The following VRTN variants were observed in gnomAD, a reference collection of about 807,000 sequenced individuals.
VRTN encodes the protein vertnin.
Under a neutral mutation model 18.2 loss-of-function variants are expected in VRTN, and 5 were observed. That is an observed-to-expected ratio of 0.27 (90% CI 0.14 to 0.58). The LOEUF (loss-of-function observed/expected upper bound fraction) is 0.58, where lower values mean the gene tolerates loss of function less well. VRTN is among the 20% of genes least tolerant of loss of function. The pLI is 0.91. For synonymous variants in VRTN, 381 were observed against 393.7 expected (o/e 0.97, Z 0.38); for missense variants, 741 against 939.4 (o/e 0.79, Z 2.76).
At chr14:74,350,113 C>A (rs1316583590) in intron 1 of VRTN, among the ~76,000 whole-genome samples, 2 of 152,112 alleles carry the variant, frequency 1.3e-5, no homozygotes, top group African/African-American at 2.4e-5. Context: ...AGAGCCATTG[C>A]CAAAAAGACT....
intron 1 of VRTN, among the ~76,000 whole-genome samples, chr14:74,333,299 C>A (rs1220657096): frequency 6.6e-6 from 1 of 152,074 alleles, no homozygotes; most frequent in Non-Finnish European, 1.5e-5. Context: ...AGGAGAACTG[C>A]TTGAACCCAG....
chr14:74,358,515 A>G lies in VRTN; in HGVS notation c.1732A>G (p.Lys578Glu), dbSNP rs535280501. The G allele has an allele frequency of 1.2e-6, 2 of 1,613,950 alleles. No individual in the cohort carries two copies. The highest frequency in any genetic ancestry group is 1.1e-5 in the South Asian group (1 of 91,076). ...GCAGGAGGCTGAGGAGAAGCAGGAG[A>G]AGGAGGCTGGCAGGGATGTGACAGC... ...GGQEAEEKQE[K>E]EAGRDVTAVM... Residue 578 changes from lysine (K) to glutamate (E), a missense_variant, in exon 2 of 2, where the codon AAG becomes GAG. Physicochemically the swap from Lys to Glu is moderately conservative, Grantham distance 56. Transcript: ENST00000256362. The surrounding 1 kb of genome is among the most constrained non-coding windows in gnomAD (Gnocchi z 5.4).
chr14:74,355,020 T>C (rs1160577010), intron 1 of VRTN, among the ~76,000 whole-genome samples: 1 of 151,470 alleles, frequency 6.6e-6, no homozygotes, highest in Non-Finnish European at 1.5e-5. Flanking sequence ...CATGCGCCTG[T>C]AATCCCAGCT....
chr14:74,346,747 T>C (rs1260192881), upstream of VRTN, among the ~76,000 whole-genome samples: 1 of 152,216 alleles, frequency 6.6e-6, no homozygotes, highest in African/African-American at 2.4e-5. Flanking sequence ...TTTAAAAAAA[T>C]TTCCCAATTA....
At chr14:74,350,689 CGAAAGCTACTTAATGTAAACCCG>C in intron 1 of VRTN, among the ~76,000 whole-genome samples, 1 of 152,220 alleles carries the variant, frequency 6.6e-6, no homozygotes, top group East Asian at 1.9e-4. Flanking sequence ...TGTGGTCTTG[CGAAAGCTACTTAATGTAAACCCG>C]GAACCTCCAG....
Position 74,358,530 on chromosome 14 carries a change from G to A in VRTN, c.1747G>A (p.Asp583Asn). Reference sequence around the variant, plus strand: ...GAAGCAGGAGAAGGAGGCTGGCAGGGATGTGACAGCTGTGATGGCCCCACC... The same window carrying A: ...GAAGCAGGAGAAGGAGGCTGGCAGGAATGTGACAGCTGTGATGGCCCCACC... Reference protein sequence around the residue: ...EEKQEKEAGRDVTAVMAPPVG... With the variant: ...EEKQEKEAGRNVTAVMAPPVG... The change falls in exon 2 of 2, where the codon GAT becomes AAT. Residue 583 changes from aspartate to asparagine, a missense_variant. Transcript: ENST00000256362. The surrounding 1 kb of genome is among the most constrained non-coding windows in gnomAD (Gnocchi z 5.4). 6.2e-7 allele frequency: 1 copy of A among 1,613,584 alleles called. No individual in the cohort carries two copies. Among genetic ancestry groups the A allele is most frequent in the Admixed American group, 1.7e-5 (1 of 59,994 alleles).
At chr14:74,337,869 G>A (rs2085575342) in exon 2 of VRTN, 1 of 152,036 alleles carries the variant, frequency 6.6e-6, no homozygotes, top group Admixed American at 6.6e-5. Flanking sequence ...CCCTGAAGTG[G>A]GAGCCTGGCT....
Position 74,326,624 on chromosome 14 carries a change from C to T in VRTN, c.-163-11099C>T, listed in dbSNP as rs528396192. Among the ~76,000 whole-genome samples, 12 of 152,276 alleles carry T rather than the reference C, an allele frequency of 7.9e-5. No homozygotes were observed. In the East Asian group the frequency reaches 2.3e-3, roughly 29 times the overall value. On this transcript the variant is annotated intron_variant, in intron 1 of 2. Transcript: ENST00000557177. ...TGGACAAGTTCCATGAATTCTTGCC[C>T]CTTCCCCCACCTTTTACATAGCCAA...
Position 74,358,201 on chromosome 14 carries a change from T to C in VRTN, c.1418T>C (p.Ile473Thr), listed in dbSNP as rs1333898500. The change falls in exon 2 of 2, where the codon ATT becomes ACT. Residue 473 changes from isoleucine (I) to threonine (T), a missense_variant. This residue lies in a region of VRTN where 494 missense variants were observed against 546.5 expected (regional missense o/e 0.90). Transcript: ENST00000256362. The surrounding 1 kb of genome is among the most constrained non-coding windows in gnomAD (Gnocchi z 5.4). The stretch of plus-strand genomic sequence containing the variant: ...GCATCTGTTGGGGAAGGGGCTGTAA[T>C]TCCTTGGAAGAGTGAGGCGGAAGAG... ...QLASVGEGAV[I>T]PWKSEAEEGA... is the part of the protein sequence containing the mutation. 4 of 1,613,506 alleles carry C rather than the reference T, an allele frequency of 2.5e-6. No homozygotes were observed. Among genetic ancestry groups the C allele is most frequent in the Non-Finnish European group, 2.5e-6 (3 of 1,179,780 alleles).
intron 2 of VRTN, among the ~76,000 whole-genome samples, chr14:74,340,937 T>C (rs1022804145): frequency 2.0e-5 from 3 of 151,734 alleles, no homozygotes; most frequent in African/African-American, 7.3e-5. Context: ...AGAGACGGGG[T>C]TTCACCATGT....
At chr14:74,308,049 T>C (rs916521282) in intron 1 of VRTN, among the ~76,000 whole-genome samples, 1 of 152,158 alleles carries the variant, frequency 6.6e-6, no homozygotes, top group Non-Finnish European at 1.5e-5. Context: ...TTAGTTCAAA[T>C]TTCTAATTAG....
intron 1 of VRTN, among the ~76,000 whole-genome samples, chr14:74,351,109 TCAA>T (rs1450741750): frequency 6.6e-6 from 1 of 152,208 alleles, no homozygotes; most frequent in Non-Finnish European, 1.5e-5. Context: ...AAAATAGCAT[TCAA>T]CAAGTGACAT....
intron 1 of VRTN, among the ~76,000 whole-genome samples, chr14:74,332,098 A>T (rs1437034220): frequency 1.3e-5 from 2 of 152,122 alleles, no homozygotes; most frequent in African/African-American, 2.4e-5. Context: ...ATGGGAAAAA[A>T]AAGGAAGGTC....
intron 1 of VRTN, among the ~76,000 whole-genome samples, chr14:74,324,798 G>A (rs569713349): frequency 1.3e-5 from 2 of 151,980 alleles, no homozygotes; most frequent in Admixed American, 6.6e-5. Flanking sequence ...GAGGCGGGAG[G>A]ATGGCTTGAG....
At chr14:74,317,769 TCCAGC>T (rs1010179609) in intron 1 of VRTN, among the ~76,000 whole-genome samples, 8 of 151,820 alleles carry the variant, frequency 5.3e-5, no homozygotes, top group African/African-American at 1.7e-4. Context: ...GCCACTATAC[TCCAGC>T]CTGGAGGATA....
chr14:74,306,173 T>TATATATATATATGTATG (rs1491480014), intron 1 of VRTN: 23 of 48,036 alleles, frequency 4.8e-4, no homozygotes, highest in African/African-American at 2.0e-3. Flanking sequence ...TATATATATA[T>TATATATATATATGTATG]TTTTTTTTTT....
intron 1 of VRTN, among the ~76,000 whole-genome samples, chr14:74,326,302 AGT>A (rs1302842153): frequency 6.6e-6 from 1 of 152,200 alleles, no homozygotes. Flanking sequence ...CAGCAATGGA[AGT>A]GGTCCTGGGG....
At chr14:74,352,897 C>G (rs1482308113) in intron 1 of VRTN, among the ~76,000 whole-genome samples, 1 of 152,206 alleles carries the variant, frequency 6.6e-6, no homozygotes, top group African/African-American at 2.4e-5. Context: ...TACCACTCTG[C>G]TTTGCAACTG....
Position 74,357,260 on chromosome 14 carries a change from C to T in VRTN, c.477C>T (p.Ala159=), listed in dbSNP as rs199975094. ...PPATLEAIFD[A]DVKASCFPSS... ...CCACGCTGGAGGCCATCTTCGATGC[C>T]GACGTCAAGGCCTCCTGTTTCCCCA... The change falls in exon 2 of 2, where the codon GCC becomes GCT. Residue 159 remains alanine, a synonymous_variant. Coordinates refer to ENST00000256362, the MANE Select transcript of VRTN (RefSeq NM_018228.3). This position sits in a 1 kb window ranked among gnomAD's most constrained non-coding sequence, Gnocchi z 7.8. 29 of 1,613,618 alleles carry T rather than the reference C, an allele frequency of 1.8e-5. No individual in the cohort carries two copies. The highest frequency in any genetic ancestry group is 1.6e-4 in the South Asian group (15 of 91,080).
Sources: gnomAD v4.1 joint callset for allele counts (sites outside exome capture counted in the v4.1 genomes callset) on GRCh38, gnomAD v4.1.1 for gene constraint, gnomAD v4.1.1 regional missense constraint, Gnocchi (gnomAD v3.1) non-coding constraint, MANE v1.5 for transcripts, NCBI Gene and HGNC (gene_info 2026-07-23, HGNC 2026-07-21) for gene names.